Variants in OPRD1 observed in about 807,000 individuals in gnomAD.
The protein encoded by OPRD1 is delta-type opioid receptor.
A neutral mutation model predicts 17.5 loss-of-function variants in OPRD1; 19 were observed. The ratio of observed to expected loss-of-function variants is 1.09; its 90% CI spans 0.76 to 1.60. The LOEUF is 1.60. Ranked by LOEUF, OPRD1 falls within the 40% of genes most tolerant of loss-of-function variation. OPRD1 has a pLI of 0.00. For synonymous variants in OPRD1, 256 were observed against 240.9 expected (o/e 1.06, Z -0.58); for missense variants, 483 against 547.2 (o/e 0.88, Z 1.17).
chr1:28,817,671 A>G (rs1320893446), intron 1 of OPRD1, among the ~76,000 whole-genome samples: 2 of 152,136 alleles, frequency 1.3e-5, no homozygotes, highest in African/African-American at 4.8e-5. Context: ...GTCTCTATCC[A>G]TGTCCCAGAG....
At position 28,859,290 on chromosome 1, in the gene OPRD1, G is replaced by T; in HGVS notation, c.564G>T (p.Val188=). Residue 188 remains valine (V), a synonymous_variant, in exon 2 of 3, where the codon GTG becomes GTT. Coordinates refer to ENST00000234961, the MANE Select transcript of OPRD1 (RefSeq NM_000911.4). ...GVGVPIMVMA[V]TRPRDGAVVC... ...GCGTGCCCATCATGGTCATGGCTGT[G>T]ACCCGTCCCCGGGGTGAGTGAGTGA... 1.2e-6 allele frequency: 2 copies of T among 1,613,038 alleles called. No homozygotes were observed. Among genetic ancestry groups the T allele is most frequent in the Non-Finnish European group, 1.7e-6 (2 of 1,179,454 alleles).
chr1:28,826,889 C>T (rs1270073083), intron 1 of OPRD1, among the ~76,000 whole-genome samples: 1 of 152,232 alleles, frequency 6.6e-6, no homozygotes, highest in Non-Finnish European at 1.5e-5. Context: ...AGTCAGTCCT[C>T]TCAAATCCTA....
chr1:28,839,973 C>T (rs1428620742), intron 1 of OPRD1, among the ~76,000 whole-genome samples: 1 of 152,144 alleles, frequency 6.6e-6, no homozygotes, highest in Non-Finnish European at 1.5e-5. Context: ...GTCTGTTGCT[C>T]ATTACTGAGG....
At chr1:28,852,765 T>G (rs1320000532) in intron 1 of OPRD1, among the ~76,000 whole-genome samples, 2 of 152,170 alleles carry the variant, frequency 1.3e-5, no homozygotes, top group African/African-American at 4.8e-5. Flanking sequence ...TTGCCCAGGC[T>G]GGAGTGCAGT....
rs1367308904 is a variant in OPRD1 at position 28,812,360 on chromosome 1, A to G, written c.-24A>G. The G allele has an allele frequency of 3.7e-6, 5 of 1,355,536 alleles. No individual in the cohort carries two copies. Among genetic ancestry groups the G allele is most frequent in the Non-Finnish European group, 4.7e-6 (5 of 1,060,438 alleles). 84.0% of individuals were successfully genotyped at this position (1,355,536 alleles called of 1,614,324 possible). A position where few individuals can be genotyped will look rare whatever the true frequency, so the allele number is the denominator to read the frequency against. On this transcript the variant is annotated 5_prime_UTR_variant, in exon 1 of 3. Coordinates refer to ENST00000234961, the MANE Select transcript of OPRD1 (RefSeq NM_000911.4). ...CGCCCAGGGCGCACGGTGGAGAGGGACGCGGCGGAGCCGGCCGGCAGCCAT... is the reference window on the plus strand; with the variant it reads ...CGCCCAGGGCGCACGGTGGAGAGGGGCGCGGCGGAGCCGGCCGGCAGCCAT...
intron 1 of OPRD1, among the ~76,000 whole-genome samples, chr1:28,836,241 C>T (rs545420657): frequency 5.3e-5 from 8 of 152,082 alleles, no homozygotes; most frequent in Non-Finnish European, 8.8e-5. Context: ...TTCAGCCAGG[C>T]GCGGTGGCTC....
intron 1 of OPRD1, among the ~76,000 whole-genome samples, chr1:28,837,090 G>A (rs1403365977): frequency 1.3e-5 from 2 of 152,130 alleles, no homozygotes; most frequent in African/African-American, 4.8e-5. Context: ...CCTGCAACTA[G>A]GTGGTCCCAT....
Position 28,833,380 on chromosome 1 carries a change from T to C in OPRD1, c.227+20770T>C, listed in dbSNP as rs74065118. Among the ~76,000 whole-genome samples, 533 of 152,218 alleles carry C rather than the reference T, an allele frequency of 3.5e-3. 4 individuals are homozygous for C. Among genetic ancestry groups the C allele is most frequent in the African/African-American group, 0.012 (510 of 41,522 alleles). ...GATCCTATCAGAGAAAAAGCACCAG[T>C]AGGATATATTTCAGGGAGTTGGCTT... On this transcript the variant is annotated intron_variant, in intron 1 of 2. Coordinates refer to ENST00000234961, the MANE Select transcript of OPRD1 (RefSeq NM_000911.4).
Position 28,817,584 on chromosome 1 carries a change from C to T in OPRD1, c.227+4974C>T, listed in dbSNP as rs2088679964. 5.3e-5 allele frequency among the ~76,000 whole-genome samples: 8 copies of T among 152,216 alleles called. No individual in the cohort carries two copies. The South Asian group carries it at 1.7e-3, about 32-fold the overall frequency. On this transcript the variant is annotated intron_variant, in intron 1 of 2. Coordinates refer to ENST00000234961, the MANE Select transcript of OPRD1 (RefSeq NM_000911.4). ...CTCTCTTGGGGTCTGGACCCAGGGC[C>T]TCTGGGCCAGGAGAGATTCCAGTGA... is the stretch of plus-strand genomic sequence containing the variant.
chr1:28,827,772 C>T (rs1249405349), intron 1 of OPRD1, among the ~76,000 whole-genome samples: 1 of 151,978 alleles, frequency 6.6e-6, no homozygotes, highest in Non-Finnish European at 1.5e-5. Context: ...AGTCTGTTGC[C>T]CAGGCTGAGT....
intron 1 of OPRD1, among the ~76,000 whole-genome samples, chr1:28,847,010 T>TCCTGTCC (rs2088959546): frequency 8.0e-6 from 1 of 124,908 alleles, no homozygotes; most frequent in African/African-American, 2.7e-5. Context: ...TCCCTTCCTT[T>TCCTGTCC]CCTTTCCTGT....
intron 1 of OPRD1, among the ~76,000 whole-genome samples, chr1:28,822,967 G>A (rs767685812): frequency 9.9e-5 from 15 of 152,078 alleles, no homozygotes; most frequent in Non-Finnish European, 1.9e-4. Flanking sequence ...CACAGGAAGA[G>A]GGATAATCGT....
At chr1:28,848,601 A>C (rs112558068) in intron 1 of OPRD1, among the ~76,000 whole-genome samples, 1 of 152,254 alleles carries the variant, frequency 6.6e-6, no homozygotes, top group South Asian at 2.1e-4. Context: ...TGCCTGGCAC[A>C]GTTCAAGTGT....
intron 1 of OPRD1, 31 bp downstream of exon 1, chr1:28,812,641 C>A: frequency 6.9e-7 from 1 of 1,454,688 alleles, no homozygotes; most frequent in Non-Finnish European, 9.1e-7. Flanking sequence ...CGCCGCAGGG[C>A]TGGAGCCCGG....
chr1:28,848,832 G>A (rs2088975097), intron 1 of OPRD1, among the ~76,000 whole-genome samples: 1 of 152,144 alleles, frequency 6.6e-6, no homozygotes. Context: ...TTCTCTAAGA[G>A]ATGTCAATAC....
chr1:28,859,651 T>C (rs1180080741), intron 2 of OPRD1, among the ~76,000 whole-genome samples: 4 of 152,048 alleles, frequency 2.6e-5, no homozygotes, highest in African/African-American at 9.7e-5. Flanking sequence ...TGGCCAGGGA[T>C]GTGTGGATGT....
Position 28,865,690 on chromosome 1 carries a change from A to G in OPRD1, c.*2407A>G, listed in dbSNP as rs1396535280. 1 of 152,222 alleles carries G rather than the reference A, an allele frequency of 6.6e-6. No individual in the cohort carries two copies. The highest frequency in any genetic ancestry group is 1.9e-4 in the East Asian group (1 of 5,204). 9.4% of individuals were successfully genotyped at this position (152,222 alleles called of 1,614,324 possible). A position where few individuals can be genotyped will look rare whatever the true frequency, so the allele number is the denominator to read the frequency against. On this transcript the variant is annotated 3_prime_UTR_variant, in exon 3 of 3. Transcript: ENST00000234961. ...TGTGACCTGGGGTCCCAAGCCACCT[A>G]GATCACTCTCACTACCTTGTGACCA...
At chr1:28,814,983 G>A (rs373907893) in intron 1 of OPRD1, among the ~76,000 whole-genome samples, 4 of 152,114 alleles carry the variant, frequency 2.6e-5, no homozygotes, top group Non-Finnish European at 5.9e-5. Context: ...ACTTGTTCTC[G>A]GAGGGTACCA....
Position 28,870,933 on chromosome 1 carries a change from T to A in OPRD1, c.*7650T>A, listed in dbSNP as rs2089212247. ...GTGGTGTTGGGCAGGTCTCTGTCCC[T>A]CTCTGGGCCTCTGCACGATGGAGGG... is the stretch of plus-strand genomic sequence containing the variant. On this transcript the variant is annotated 3_prime_UTR_variant, in exon 3 of 3. Coordinates refer to ENST00000234961, the MANE Select transcript of OPRD1 (RefSeq NM_000911.4). 6.6e-6 allele frequency: 1 copy of A among 152,250 alleles called. No individual in the cohort carries two copies. Among genetic ancestry groups the A allele is most frequent in the Non-Finnish European group, 1.5e-5 (1 of 68,064 alleles). The allele number at this position is 152,250 out of a possible 1,614,324, so 9.4% of individuals were successfully genotyped here. A position where few individuals can be genotyped will look rare whatever the true frequency, so the allele number is the denominator to read the frequency against.
Sources: allele counts gnomAD v4.1 joint callset (sites outside exome capture counted in the v4.1 genomes callset), GRCh38; gene constraint gnomAD v4.1.1; transcripts MANE v1.5; gene names NCBI Gene and HGNC (gene_info 2026-07-23, HGNC 2026-07-21).